The following ZWILCH variants were observed in gnomAD, a reference collection of about 807,000 sequenced individuals.
ZWILCH encodes zwilch kinetochore protein, also known as protein zwilch homolog.
ZWILCH carries 74 observed loss-of-function variants against 79.9 expected under a neutral mutation model. The ratio of observed to expected loss-of-function variants is 0.93; its 90% CI spans 0.77 to 1.12. The LOEUF (loss-of-function observed/expected upper bound fraction) is 1.12, where lower values mean the gene tolerates loss of function less well. Among genes scored for constraint, ZWILCH ranks in the 50% most tolerant of loss-of-function variants. The probability of loss-of-function intolerance (pLI) is 0.00; values close to 1 mark genes in which losing one functional copy is unlikely to be tolerated. For synonymous variants in ZWILCH, 241 were observed against 228.2 expected (o/e 1.06, Z -0.51); for missense variants, 694 against 687.5 (o/e 1.01, Z -0.11).
At chr15:66,540,970 C>T (rs1895172891) in intron 17 of ZWILCH, among the ~76,000 whole-genome samples, 1 of 150,704 alleles carries the variant, frequency 6.6e-6, no homozygotes, top group Non-Finnish European at 1.5e-5. Context: ...AAGTGTAAAA[C>T]ATATTTATTC....
intron 12 of ZWILCH, among the ~76,000 whole-genome samples, 153 bp from the exon 13 acceptor site, chr15:66,532,094 G>C (rs1438417698): frequency 6.6e-6 from 1 of 152,034 alleles, no homozygotes; most frequent in Non-Finnish European, 1.5e-5. Flanking sequence ...TTAATAACTT[G>C]GGGGGTTTTG....
At chr15:66,515,752 T>C in intron 4 of ZWILCH, 108 bp downstream of exon 4, 1 of 765,384 alleles carries the variant, frequency 1.3e-6, no homozygotes, top group Non-Finnish European at 2.3e-6. Flanking sequence ...TTCCTTCATC[T>C]CCCCCACCCC....
At chr15:66,536,193 C>A in intron 15 of ZWILCH, 124 bp downstream of exon 15, 1 of 813,198 alleles carries the variant, frequency 1.2e-6, no homozygotes, top group Non-Finnish European at 1.8e-6. Context: ...TTTACAGTAG[C>A]ATGCATGAGT....
chr15:66,527,826 C>T, intron 9 of ZWILCH, 31 bp from the exon 10 acceptor site: 1 of 1,580,316 alleles, frequency 6.3e-7, no homozygotes, highest in Non-Finnish European at 8.6e-7. Context: ...GCAGAAAAAT[C>T]AAGAGCTAAT....
Position 66,519,017 on chromosome 15 carries a change from T to C in ZWILCH, c.459T>C (p.Ala153=), listed in dbSNP as rs1241803901. Residue 153 remains alanine (A), a synonymous_variant, in exon 5 of 19, where the codon GCT becomes GCC. Coordinates refer to ENST00000307897, the MANE Select transcript of ZWILCH (RefSeq NM_017975.5). ...SDPEGTCWLG[A]ELITTNNSIT... is the part of the protein sequence containing the mutation. ...CTGAAGGTACTTGTTGGCTAGGAGC[T>C]GAGCTTATCACAACAAACAACAGCA... 6.2e-7 allele frequency: 1 copy of C among 1,614,134 alleles called. No individual in the cohort carries two copies. The highest frequency in any genetic ancestry group is 1.3e-5 in the African/African-American group (1 of 74,948).
intron 2 of ZWILCH, among the ~76,000 whole-genome samples, chr15:66,510,671 G>A (rs978657331): frequency 1.3e-5 from 2 of 152,052 alleles, no homozygotes; most frequent in Non-Finnish European, 2.9e-5. Context: ...TCCCAGTTCT[G>A]GAGACTAAAA....
intron 16 of ZWILCH, among the ~76,000 whole-genome samples, chr15:66,538,399 T>C (rs1305683286): frequency 6.6e-6 from 1 of 152,030 alleles, no homozygotes; most frequent in Non-Finnish European, 1.5e-5. Context: ...TTTTTTTTTT[T>C]TAGACAGAGT....
intron 2 of ZWILCH, among the ~76,000 whole-genome samples, chr15:66,510,374 G>A (rs1354442632): frequency 1.4e-5 from 2 of 143,560 alleles, no homozygotes; most frequent in African/African-American, 5.3e-5. Flanking sequence ...GCGACAGAGC[G>A]AGACTATCTC....
chr15:66,536,749 C>G (rs1895028374), intron 15 of ZWILCH, among the ~76,000 whole-genome samples: 1 of 151,404 alleles, frequency 6.6e-6, no homozygotes, highest in Non-Finnish European at 1.5e-5. Flanking sequence ...TTTTTTTTCC[C>G]CATTATAGAT....
chr15:66,528,849 C>T lies in ZWILCH; in HGVS notation c.970-3C>T. ...TATTCTCTGAAGGTTGCTTCTTTTTCAGACCTTGAAGCATGACACTGCTGC... is the reference window on the plus strand; with the variant it reads ...TATTCTCTGAAGGTTGCTTCTTTTTTAGACCTTGAAGCATGACACTGCTGC... On this transcript the variant is annotated splice_polypyrimidine_tract_variant and splice_region_variant and intron_variant, in intron 10 of 18. Transcript: ENST00000307897. The T allele has an allele frequency of 6.2e-7, 1 of 1,611,826 alleles. No homozygotes were observed. Among genetic ancestry groups the T allele is most frequent in the East Asian group, 2.2e-5 (1 of 44,852 alleles).
rs201688688 is a variant in ZWILCH at position 66,525,928 on chromosome 15, AT to A, written c.820-1355del. Among the ~76,000 whole-genome samples, 1,288 of 151,336 alleles carry A rather than the reference AT, an allele frequency of 8.5e-3. 15 individuals carry two copies. Among genetic ancestry groups the A allele is most frequent in the African/African-American group, 0.029 (1,212 of 41,210 alleles). ...AGGTGCCCACCACCATGCCCTGCTA[AT>A]TTTTTTGTGTTTTTAGTTCAAGAGG... On this transcript the variant is annotated intron_variant, in intron 8 of 18. Coordinates refer to ENST00000307897, the MANE Select transcript of ZWILCH (RefSeq NM_017975.5).
intron 5 of ZWILCH, 150 bp downstream of exon 5, chr15:66,519,228 C>T: frequency 1.4e-6 from 1 of 708,276 alleles, no homozygotes; most frequent in Admixed American, 2.7e-5. Flanking sequence ...TGGTGTGTAA[C>T]TTGCAGCATG....
At chr15:66,527,481 C>T in intron 9 of ZWILCH, 98 bp downstream of exon 9, 1 of 989,230 alleles carries the variant, frequency 1.0e-6, no homozygotes, top group Non-Finnish European at 1.5e-6. Flanking sequence ...GGAATATATA[C>T]AAAGCTATGA....
Position 66,513,825 on chromosome 15 carries a change from C to A in ZWILCH, c.106-163C>A, listed in dbSNP as rs113370711. 4.5e-4 allele frequency: 172 copies of A among 380,566 alleles called. 2 individuals are homozygous for A. The highest frequency in any genetic ancestry group is 3.1e-3 in the African/African-American group (148 of 47,376). 23.6% of individuals were successfully genotyped at this position (380,566 alleles called of 1,614,324 possible). Reference sequence around the variant, plus strand: ...TGACCTCGTGATCCACCTGCCTGGGCCTCCCGAAGTGCTGGGATTACAGGC... The same window carrying A: ...TGACCTCGTGATCCACCTGCCTGGGACTCCCGAAGTGCTGGGATTACAGGC... On this transcript the variant is annotated intron_variant, in intron 2 of 18. Coordinates refer to ENST00000307897, the MANE Select transcript of ZWILCH (RefSeq NM_017975.5).
In ZWILCH at chr15:66,519,044, T is replaced by C; in HGVS notation, c.486T>C (p.Ile162=). The C allele has an allele frequency of 6.2e-7, 1 of 1,614,218 alleles. No individual in the cohort carries two copies. Among genetic ancestry groups the C allele is most frequent in the Non-Finnish European group, 8.5e-7 (1 of 1,180,032 alleles). ...AGCTTATCACAACAAACAACAGCAT[T>C]ACAGGAATTGTCTTATATGTGGTCA... ...GAELITTNNS[I]TGIVLYVVSC... The change falls in exon 5 of 19, where the codon ATT becomes ATC. Residue 162 remains isoleucine, a synonymous_variant. Coordinates refer to ENST00000307897, the MANE Select transcript of ZWILCH (RefSeq NM_017975.5).
intron 17 of ZWILCH, among the ~76,000 whole-genome samples, chr15:66,542,905 T>C (rs1333528370): frequency 6.6e-6 from 1 of 152,194 alleles, no homozygotes; most frequent in African/African-American, 2.4e-5. Context: ...ATAGATACCT[T>C]TTCCATATTA....
chr15:66,508,690 C>G, intron 1 of ZWILCH, 151 bp from the exon 2 acceptor site: 1 of 1,376,168 alleles, frequency 7.3e-7, no homozygotes, highest in Non-Finnish European at 9.4e-7. Context: ...TTTTTTCTCT[C>G]TCTGCAACTA....
chr15:66,517,455 T>TATATATATACAG (rs1180456312), intron 4 of ZWILCH, among the ~76,000 whole-genome samples: 1 of 115,222 alleles, frequency 8.7e-6, no homozygotes, highest in Admixed American at 9.8e-5. Context: ...TATATATATA[T>TATATATATACAG]AGTAATGTAC....
At chr15:66,508,142 G>C (rs1039765971) in intron 1 of ZWILCH, among the ~76,000 whole-genome samples, 1 of 152,106 alleles carries the variant, frequency 6.6e-6, no homozygotes, top group African/African-American at 2.4e-5. Context: ...GTTCTGTTGG[G>C]TTCCTTCAAT....
Sources: allele counts gnomAD v4.1 joint callset (sites outside exome capture counted in the v4.1 genomes callset), GRCh38; gene constraint gnomAD v4.1.1; transcripts MANE v1.5; gene names NCBI Gene and HGNC (gene_info 2026-07-23, HGNC 2026-07-21).